The following SYCP2 variants were observed in gnomAD, a reference collection of about 807,000 sequenced individuals.
The protein encoded by SYCP2 is synaptonemal complex lateral element protein.
A neutral mutation model predicts 211.3 loss-of-function variants in SYCP2; 55 were observed. That is an observed-to-expected ratio of 0.26 (90% CI 0.21 to 0.33). The LOEUF is 0.33. SYCP2 is among the 10% of genes least tolerant of loss of function. The probability of loss-of-function intolerance (pLI) is 1.00; values close to 1 mark genes in which losing one functional copy is unlikely to be tolerated. For synonymous variants in SYCP2, 570 were observed against 555.2 expected, an observed-to-expected ratio of 1.03 and a Z score of -0.37; for missense variants, 1,731 against 1,752.0, an observed-to-expected ratio of 0.99 and a Z score of 0.21.
At chr20:59,902,525 T>A (rs1307660515) in intron 15 of SYCP2, among the ~76,000 whole-genome samples, 1 of 152,120 alleles carries the variant, frequency 6.6e-6, no homozygotes, top group East Asian at 1.9e-4. Flanking sequence ...GCCCACAATG[T>A]ACTTTCGGGC....
chr20:59,925,311 A>G (rs1053002933), intron 2 of SYCP2, among the ~76,000 whole-genome samples: 1 of 151,990 alleles, frequency 6.6e-6, no homozygotes, highest in East Asian at 1.9e-4. Context: ...CATGACACAC[A>G]TTTTCCTATG....
At chr20:59,872,690 G>A (rs6070987) in intron 35 of SYCP2, among the ~76,000 whole-genome samples, 18,440 of 151,854 alleles carry the variant, frequency 0.12, 2,590 homozygotes, top group African/African-American at 0.35. Context: ...CAGAGTACAG[G>A]TAAGAGTTTT....
chr20:59,926,327 G>T (rs1384491432), intron 2 of SYCP2, among the ~76,000 whole-genome samples: 2 of 151,958 alleles, frequency 1.3e-5, no homozygotes, highest in African/African-American at 2.4e-5. Flanking sequence ...TAAAGTAAAG[G>T]GGTCAGTAGG....
chr20:59,882,234 A>C (rs941348945), intron 26 of SYCP2, 69 bp from the exon 27 acceptor site: 15 of 1,130,118 alleles, frequency 1.3e-5, no homozygotes, highest in East Asian at 2.5e-5. Flanking sequence ...CAACAGCACT[A>C]ATCAGAAATG....
At position 59,892,170 on chromosome 20, in the gene SYCP2, G is replaced by A; in HGVS notation, c.2184C>T (p.Leu728=). 4 of 1,612,238 alleles carry A rather than the reference G, an allele frequency of 2.5e-6. No homozygotes were observed. Among genetic ancestry groups the A allele is most frequent in the Non-Finnish European group, 3.4e-6 (4 of 1,179,036 alleles). The change falls in exon 24 of 45, where the codon CTC becomes CTT. Residue 728 remains leucine, a synonymous_variant. Coordinates refer to ENST00000357552, the MANE Select transcript of SYCP2 (RefSeq NM_014258.4). ...GCGATTCTTCAATTGTCTTATTTAG[G>A]AGAACCGATTTAAAAGTAGTTTCAG... ...VESETTFKSV[L]LNKTIEESLI...
At chr20:59,909,706 T>C (rs1170036264) in intron 14 of SYCP2, among the ~76,000 whole-genome samples, 1 of 152,252 alleles carries the variant, frequency 6.6e-6, no homozygotes, top group African/African-American at 2.4e-5. Context: ...ATTCTTTCAA[T>C]GTTCCGTTTA....
intron 24 of SYCP2, 29 bp downstream of exon 24, chr20:59,891,961 G>A (rs1349806146): frequency 2.0e-6 from 3 of 1,530,542 alleles, no homozygotes; most frequent in African/African-American, 1.4e-5. Flanking sequence ...TTATGGATAT[G>A]CAGAAATCAA....
At chr20:59,915,346 A>G (rs2060418485) in intron 9 of SYCP2, 119 bp downstream of exon 9, 2 of 975,406 alleles carry the variant, frequency 2.1e-6, no homozygotes, top group South Asian at 3.0e-5. Flanking sequence ...ACACTAAATT[A>G]TATTAAAAAG....
At chr20:59,915,356 G>A in intron 9 of SYCP2, 109 bp downstream of exon 9, 1 of 976,372 alleles carries the variant, frequency 1.0e-6, no homozygotes, top group Non-Finnish European at 1.6e-6. Context: ...ATATTAAAAA[G>A]CTGCAACAGT....
At chr20:59,907,142 C>G (rs930227182) in intron 15 of SYCP2, among the ~76,000 whole-genome samples, 1 of 152,090 alleles carries the variant, frequency 6.6e-6, no homozygotes. Context: ...CAAACTGGAT[C>G]ACTGGTTTTA....
chr20:59,885,794 G>A, intron 26 of SYCP2, 134 bp downstream of exon 26: 1 of 728,690 alleles, frequency 1.4e-6, no homozygotes. Flanking sequence ...AAACCTGTCA[G>A]TGGTTATCAT....
chr20:59,907,564 G>T, intron 14 of SYCP2, 140 bp from the exon 15 acceptor site: 1 of 597,118 alleles, frequency 1.7e-6, no homozygotes, highest in Non-Finnish European at 3.0e-6. Context: ...CACCTTTCTT[G>T]CTCCACCAAT....
intron 26 of SYCP2, among the ~76,000 whole-genome samples, chr20:59,885,317 G>A (rs1189422823): frequency 6.6e-6 from 1 of 152,094 alleles, no homozygotes; most frequent in African/African-American, 2.4e-5. Flanking sequence ...GTGATGTAAG[G>A]ATTGCCACAG....
chr20:59,895,664 C>T, intron 19 of SYCP2, 67 bp from the exon 20 acceptor site: 1 of 1,557,578 alleles, frequency 6.4e-7, no homozygotes, highest in South Asian at 1.2e-5. Flanking sequence ...AGGTACTTTT[C>T]CAATGAGAAA....
chr20:59,895,560 C>T lies in SYCP2; in HGVS notation c.1542G>A (p.Leu514=), dbSNP rs1280150328. 5 of 1,610,258 alleles carry T rather than the reference C, an allele frequency of 3.1e-6. No individual in the cohort carries two copies. In the African/African-American group the frequency reaches 6.7e-5, roughly 22 times the overall value. Residue 514 remains leucine, a synonymous_variant, in exon 20 of 45, where the codon CTG becomes CTA. Transcript: ENST00000357552. ...GTTTCTCTGCAGAGCTCGTCATTTG[C>T]AGTGGTGGTTTAATTCTTCTTCTTC... The part of the protein sequence containing the change: ...PPRRRRIKPP[L]QMTSSAEKPS...
chr20:59,907,330 TAAGAA>T lies in SYCP2; in HGVS notation c.1033+29_1033+33del. ...AACATTTGTTCCATATGGTAAGAAT[TAAGAA>T]AATTATTAGAAAAAAACAAGTTTAA... On this transcript the variant is annotated intron_variant, in intron 15 of 44. Transcript: ENST00000357552. 5.0e-6 allele frequency: 7 copies of T among 1,392,370 alleles called. No individual in the cohort carries two copies. In the African/African-American group the frequency reaches 5.7e-5, roughly 11 times the overall value. The allele number at this position is 1,392,370 out of a possible 1,614,324, so 86.3% of individuals were successfully genotyped here. A position where few individuals can be genotyped will look rare whatever the true frequency, so the allele number is the denominator to read the frequency against.
chr20:59,880,268 C>T, intron 31 of SYCP2, 35 bp downstream of exon 31: 2 of 1,501,818 alleles, frequency 1.3e-6, no homozygotes, highest in South Asian at 1.2e-5. Context: ...ACTGCAAAAT[C>T]ATTTGCAACA....
chr20:59,867,865 TCTG>T lies in SYCP2; in HGVS notation c.3989-21_3989-19del, dbSNP rs142112394. On this transcript the variant is annotated intron_variant, in intron 38 of 44. Transcript: ENST00000357552. ...TTCAGACACTAAAAAATGAAAACAA[TCTG>T]CTGAAGTTAAAATATGCATTACTCT... 0.027 allele frequency: 42,389 copies of T among 1,575,644 alleles called. 653 individuals are homozygous for T. Among genetic ancestry groups the T allele is most frequent in the Middle Eastern group, 0.042 (246 of 5,916 alleles).
At chr20:59,867,436 G>A (rs2059371403) in intron 39 of SYCP2, among the ~76,000 whole-genome samples, 1 of 147,942 alleles carries the variant, frequency 6.8e-6, no homozygotes, top group Non-Finnish European at 1.5e-5. Flanking sequence ...CTTGAAAAGT[G>A]GCATGAAAAC....
Sources: gnomAD v4.1 joint callset for allele counts (sites outside exome capture counted in the v4.1 genomes callset) on GRCh38, gnomAD v4.1.1 for gene constraint, MANE v1.5 for transcripts, NCBI Gene and HGNC (gene_info 2026-07-23, HGNC 2026-07-21) for gene names.